Variants in RALGAPA1 observed in about 807,000 individuals in gnomAD.
The protein encoded by RALGAPA1 is ral GTPase-activating protein subunit alpha-1.
In RALGAPA1, 52 loss-of-function variants were observed where a neutral mutation model predicts 269.6. That is an observed-to-expected ratio of 0.19 (90% CI 0.15 to 0.24). The LOEUF (loss-of-function observed/expected upper bound fraction) is 0.24. Ranked by LOEUF, RALGAPA1 falls within the 10% of genes least tolerant of loss-of-function variation. The pLI, the probability that RALGAPA1 is intolerant of heterozygous loss-of-function variation, is 1.00. For synonymous variants in RALGAPA1, 817 were observed against 1,008.3 expected (o/e 0.81, Z 3.60); for missense variants, 1,917 against 3,013.9 (o/e 0.64, Z 8.52).
At chr14:35,711,009 T>G (rs574572127) in intron 16 of RALGAPA1, among the ~76,000 whole-genome samples, 1 of 152,240 alleles carries the variant, frequency 6.6e-6, no homozygotes, top group Non-Finnish European at 1.5e-5. Flanking sequence ...TATATCCCCA[T>G]TTGTTAAATG....
At chr14:35,599,443 A>T (rs1251627196) in intron 36 of RALGAPA1, among the ~76,000 whole-genome samples, 1 of 152,118 alleles carries the variant, frequency 6.6e-6, no homozygotes, top group East Asian at 1.9e-4. Context: ...ATATGTTTGC[A>T]AGCTATCAGA....
At chr14:35,545,631 G>A (rs932767960) in intron 41 of RALGAPA1, among the ~76,000 whole-genome samples, 1 of 151,926 alleles carries the variant, frequency 6.6e-6, no homozygotes, top group African/African-American at 2.4e-5. Context: ...ACTAAAATCT[G>A]TAACTTAAAG....
chr14:35,737,126 G>A (rs984861120), intron 12 of RALGAPA1, among the ~76,000 whole-genome samples: 1 of 151,410 alleles, frequency 6.6e-6, no homozygotes, highest in African/African-American at 2.4e-5. Flanking sequence ...AAAAGCATAT[G>A]AATTCATAGA....
intron 39 of RALGAPA1, among the ~76,000 whole-genome samples, chr14:35,556,802 T>C (rs1175349002): frequency 6.6e-6 from 1 of 152,142 alleles, no homozygotes; most frequent in Non-Finnish European, 1.5e-5. Context: ...TCAAAATCCA[T>C]AACAGGTGCT....
chr14:35,744,394 T>C (rs1375993411), intron 10 of RALGAPA1, among the ~76,000 whole-genome samples: 1 of 150,672 alleles, frequency 6.6e-6, no homozygotes, highest in African/African-American at 2.5e-5. Flanking sequence ...AAGAATTAAA[T>C]TGCTTTTACT....
intron 35 of RALGAPA1, among the ~76,000 whole-genome samples, chr14:35,618,244 G>A (rs1209848460): frequency 6.6e-6 from 1 of 151,996 alleles, no homozygotes; most frequent in Non-Finnish European, 1.5e-5. Flanking sequence ...ATGAAATTCT[G>A]GTAAATCTAA....
At chr14:35,540,247 TAAG>T (rs2053845793) in intron 41 of RALGAPA1, among the ~76,000 whole-genome samples, 1 of 152,134 alleles carries the variant, frequency 6.6e-6, no homozygotes, top group African/African-American at 2.4e-5. Flanking sequence ...AAGACGGCTT[TAAG>T]AAGGAGCAAG....
At chr14:35,721,372 A>G (rs2069396413) in intron 16 of RALGAPA1, among the ~76,000 whole-genome samples, 1 of 152,202 alleles carries the variant, frequency 6.6e-6, no homozygotes, top group East Asian at 1.9e-4. Context: ...ATGAAACCAC[A>G]TCAGTTAATG....
chr14:35,775,554 T>A, intron 2 of RALGAPA1, 81 bp downstream of exon 2: 1 of 1,464,656 alleles, frequency 6.8e-7, no homozygotes, highest in Non-Finnish European at 9.0e-7. Context: ...AGTGAAACAA[T>A]ATGTCCAACA....
At chr14:35,773,875 T>C (rs762651517) in intron 3 of RALGAPA1, among the ~76,000 whole-genome samples, 1 of 152,110 alleles carries the variant, frequency 6.6e-6, no homozygotes, top group Non-Finnish European at 1.5e-5. Flanking sequence ...GTTGTTCAAA[T>C]TCTAAATTAC....
chr14:35,781,350 T>C (rs868390096), intron 1 of RALGAPA1, among the ~76,000 whole-genome samples: 4 of 152,118 alleles, frequency 2.6e-5, no homozygotes, highest in Non-Finnish European at 5.9e-5. Context: ...AATGAGAAGA[T>C]TGAATTAGTG....
At chr14:35,629,282 G>GTGTGTGTGTGT (rs1555381640) in intron 33 of RALGAPA1, among the ~76,000 whole-genome samples, 7 of 145,292 alleles carry the variant, frequency 4.8e-5, no homozygotes, top group African/African-American at 7.9e-5. Flanking sequence ...ATGTTTAGGG[G>GTGTGTGTGTGT]GTGTGTGTGT....
chr14:35,548,618 C>A, intron 40 of RALGAPA1, 80 bp from the exon 41 acceptor site: 2 of 943,650 alleles, frequency 2.1e-6, no homozygotes, highest in East Asian at 2.6e-5. Context: ...CATTTATTTT[C>A]TTACTGATTT....
chr14:35,779,529 AAAT>A (rs573984561), intron 1 of RALGAPA1, among the ~76,000 whole-genome samples: 12 of 150,964 alleles, frequency 7.9e-5, no homozygotes, highest in African/African-American at 1.2e-4. Flanking sequence ...CCTTGTCACT[AAAT>A]AATAATAATA....
At chr14:35,723,379 GCTT>G (rs1213332204) in intron 14 of RALGAPA1, 115 bp from the exon 15 acceptor site, 2 of 593,526 alleles carry the variant, frequency 3.4e-6, no homozygotes, top group Non-Finnish European at 5.9e-6. Context: ...AAAATCGCAT[GCTT>G]TTTTTAATAG....
At chr14:35,574,933 GC>G (rs2057446157) in intron 37 of RALGAPA1, among the ~76,000 whole-genome samples, 1 of 151,960 alleles carries the variant, frequency 6.6e-6, no homozygotes, top group Non-Finnish European at 1.5e-5. Flanking sequence ...TTTGAGACTA[GC>G]CTGGCCAACA....
Position 35,618,370 on chromosome 14 carries a change from A to G in RALGAPA1, c.6929+6991T>C, listed in dbSNP as rs371887022. 4.4e-4 allele frequency among the ~76,000 whole-genome samples: 67 copies of G among 152,280 alleles called. No individual in the cohort carries two copies. In the South Asian group the frequency reaches 0.013, roughly 30 times the overall value. On this transcript the variant is annotated intron_variant, in intron 35 of 41. Coordinates refer to ENST00000680220, the MANE Select transcript of RALGAPA1 (RefSeq NM_001346249.2). Reference sequence around the variant, plus strand: ...ATACACCAATTAGTTAAAAAATCAAAACTATATGAAAATTTGAATAGATGC... The same window carrying G: ...ATACACCAATTAGTTAAAAAATCAAGACTATATGAAAATTTGAATAGATGC...
At position 35,627,722 on chromosome 14, in the gene RALGAPA1, G is replaced by A. The variant is rs1296967687; in HGVS notation, c.6225C>T (p.Ser2075=). The change falls in exon 34 of 42, where the codon TCC becomes TCT. Residue 2075 remains serine, a synonymous_variant. Coordinates refer to ENST00000680220, the MANE Select transcript of RALGAPA1 (RefSeq NM_001346249.2). ...TCTCTTCTGATCTGATCTGGATACA[G>A]GACACTAAGGTTGTATTATTTAACA... The part of the protein sequence containing the change: ...FFVLNNTTLV[S]CIQIRSEENM... 2 of 1,613,162 alleles carry A rather than the reference G, an allele frequency of 1.2e-6. No individual in the cohort carries two copies. The highest frequency in any genetic ancestry group is 1.3e-5 in the African/African-American group (1 of 74,894).
At chr14:35,621,039 G>C (rs923615624) in intron 35 of RALGAPA1, among the ~76,000 whole-genome samples, 1 of 152,126 alleles carries the variant, frequency 6.6e-6, no homozygotes, top group African/African-American at 2.4e-5. Flanking sequence ...AACCAAAAAA[G>C]AGCCCACATT....
Sources: gnomAD v4.1 joint callset for allele counts (sites outside exome capture counted in the v4.1 genomes callset) on GRCh38, gnomAD v4.1.1 for gene constraint, MANE v1.5 for transcripts, NCBI Gene and HGNC (gene_info 2026-07-23, HGNC 2026-07-21) for gene names.